Variants in STK3 observed in about 807,000 individuals in gnomAD.
STK3 encodes the protein serine/threonine-protein kinase 3.
Under a neutral mutation model 58.0 loss-of-function variants are expected in STK3, and 41 were observed. The ratio of observed to expected loss-of-function variants is 0.71; its 90% CI spans 0.55 to 0.92. STK3 has a LOEUF of 0.92. Ranked by LOEUF, STK3 falls within the 40% of genes least tolerant of loss-of-function variation. The pLI is 0.00. For synonymous variants in STK3, 170 were observed against 191.0 expected (o/e 0.89, Z 0.91); for missense variants, 479 against 602.7 (o/e 0.79, Z 2.15).
At chr8:98,526,461 T>C (rs570238661) in intron 10 of STK3, 67 of 205,140 alleles carry the variant, frequency 3.3e-4, no homozygotes, top group Middle Eastern at 1.8e-3. Flanking sequence ...TCTTTTAAAA[T>C]AGTTGTCATT....
chr8:98,401,587 ACAT>A (rs1341502558), intron 3 of STK3: 1 of 152,200 alleles, frequency 6.6e-6, no homozygotes, highest in Non-Finnish European at 1.5e-5. Context: ...ACCCCACACA[ACAT>A]GTGAAATGTG....
chr8:98,744,038 C>T (rs1829457926), intron 4 of STK3, among the ~76,000 whole-genome samples: 1 of 152,014 alleles, frequency 6.6e-6, no homozygotes, highest in Non-Finnish European at 1.5e-5. Flanking sequence ...GAGATACCAT[C>T]TCACACCAGT....
intron 1 of STK3, chr8:98,904,769 A>G (rs1395900906): frequency 1.1e-5 from 8 of 717,572 alleles, no homozygotes; most frequent in Admixed American, 3.7e-5. Flanking sequence ...CGGTTCCACA[A>G]TAGGAGGAAG....
chr8:98,738,799 C>T lies in STK3; in HGVS notation c.351+10477G>A, dbSNP rs565958945. Among the ~76,000 whole-genome samples, 5 of 152,314 alleles carry T rather than the reference C, an allele frequency of 3.3e-5. No homozygotes were observed. In the South Asian group the frequency reaches 8.3e-4, roughly 25 times the overall value. Reference sequence around the variant, plus strand: ...AAGCAGGGCGAGGCATTGCCTCACTCGGGAAGCGCAAGGGGTTCAGGGAGT... The same window carrying T: ...AAGCAGGGCGAGGCATTGCCTCACTTGGGAAGCGCAAGGGGTTCAGGGAGT... On this transcript the variant is annotated intron_variant, in intron 4 of 10. Coordinates refer to ENST00000419617, the MANE Select transcript of STK3 (RefSeq NM_006281.4).
chr8:98,649,234 G>A (rs1015367272), intron 6 of STK3, among the ~76,000 whole-genome samples: 11 of 150,702 alleles, frequency 7.3e-5, no homozygotes, highest in South Asian at 2.1e-4. Flanking sequence ...TTTTAATATC[G>A]TAGATATCAA....
chr8:98,649,043 C>T (rs889320399), intron 6 of STK3, among the ~76,000 whole-genome samples: 8 of 145,598 alleles, frequency 5.5e-5, no homozygotes, highest in Admixed American at 2.1e-4. Context: ...GCAACAAGAG[C>T]AAGACTCTGT....
At chr8:98,915,262 C>T (rs1379679079) in intron 1 of STK3, among the ~76,000 whole-genome samples, 2 of 151,842 alleles carry the variant, frequency 1.3e-5, no homozygotes, top group East Asian at 3.9e-4. Context: ...AGAGACTGGC[C>T]TAACCTCCCG....
chr8:98,837,622 A>G (rs905159718), intron 3 of STK3, among the ~76,000 whole-genome samples: 1 of 152,202 alleles, frequency 6.6e-6, no homozygotes, highest in African/African-American at 2.4e-5. Flanking sequence ...GTGAGTCTTT[A>G]GTTACATTGA....
At chr8:98,889,636 A>G (rs1198738836) in intron 1 of STK3, 1 of 152,232 alleles carries the variant, frequency 6.6e-6, no homozygotes, top group Admixed American at 6.5e-5. Context: ...TCGTCAAGGT[A>G]TAATGGAACA....
At chr8:98,609,673 A>C (rs1359802694) in intron 6 of STK3, among the ~76,000 whole-genome samples, 1 of 152,168 alleles carries the variant, frequency 6.6e-6, no homozygotes, top group Non-Finnish European at 1.5e-5. Context: ...AAATATTAGA[A>C]ATCAGTGGCC....
the STK3 span, among the ~76,000 whole-genome samples, chr8:98,352,579 A>G: frequency 6.6e-6 from 1 of 152,228 alleles, no homozygotes; most frequent in Non-Finnish European, 1.5e-5. Flanking sequence ...AGCAGCATGC[A>G]TTCACAACAG....
intron 6 of STK3, among the ~76,000 whole-genome samples, chr8:98,639,176 C>T (rs1292462078): frequency 2.7e-5 from 4 of 150,354 alleles, no homozygotes; most frequent in Admixed American, 2.0e-4. Flanking sequence ...GTGGCATGAT[C>T]ACAGCTCACT....
At chr8:98,457,460 A>G (rs1383788792) in intron 10 of STK3, among the ~76,000 whole-genome samples, 2 of 152,212 alleles carry the variant, frequency 1.3e-5, no homozygotes, top group African/African-American at 4.8e-5. Context: ...GTGTTCTTCA[A>G]CATCATCTCT....
intron 1 of STK3, among the ~76,000 whole-genome samples, chr8:98,439,539 G>A (rs1403188448): frequency 6.6e-6 from 1 of 152,162 alleles, no homozygotes; most frequent in Non-Finnish European, 1.5e-5. Context: ...GCACGAACCA[G>A]TTCCCAGGTG....
At chr8:98,814,350 A>AT (rs34675136) in intron 1 of STK3, among the ~76,000 whole-genome samples, 7,122 of 134,888 alleles carry the variant, frequency 0.053, 211 homozygotes, top group African/African-American at 0.069. Flanking sequence ...CGCGCCCAGC[A>AT]TTTTTTTTTT....
At chr8:98,915,395 C>A (rs1483240344) in intron 1 of STK3, among the ~76,000 whole-genome samples, 1 of 138,538 alleles carries the variant, frequency 7.2e-6, no homozygotes, top group Admixed American at 7.8e-5. Flanking sequence ...TACTGTGGGA[C>A]CTTGTGATCA....
chr8:98,586,022 T>A (rs1435918233), intron 7 of STK3, among the ~76,000 whole-genome samples: 2 of 152,204 alleles, frequency 1.3e-5, no homozygotes, highest in Non-Finnish European at 2.9e-5. Flanking sequence ...TTTCTAGATA[T>A]ACAATCATGT....
chr8:98,376,338 G>A (rs995173004), intron 2 of STK3, among the ~76,000 whole-genome samples: 1 of 152,128 alleles, frequency 6.6e-6, no homozygotes, highest in African/African-American at 2.4e-5. Context: ...TGTCAGATGC[G>A]TGATTTGCAA....
At chr8:98,437,734 G>T (rs1287862861) in intron 1 of STK3, 1 of 152,180 alleles carries the variant, frequency 6.6e-6, no homozygotes, top group Admixed American at 6.5e-5. Flanking sequence ...TCTGCCCAGG[G>T]TTGACTCCAC....
Sources: gnomAD v4.1 joint callset for allele counts (sites outside exome capture counted in the v4.1 genomes callset) on GRCh38, gnomAD v4.1.1 for gene constraint, MANE v1.5 for transcripts, NCBI Gene and HGNC (gene_info 2026-07-23, HGNC 2026-07-21) for gene names.